DNAH14: variants seen among roughly 807,000 people sequenced by gnomAD.
DNAH14 encodes axonemal beta dynein heavy chain 14.
In DNAH14, 478 loss-of-function variants were observed where a neutral mutation model predicts 520.9. The ratio of observed to expected loss-of-function variants is 0.92; its 90% CI spans 0.85 to 0.99. The LOEUF (loss-of-function observed/expected upper bound fraction) is 0.99, where lower values mean the gene tolerates loss of function less well. Among genes scored for constraint, DNAH14 ranks in the 50% least tolerant of loss-of-function variants. The probability of loss-of-function intolerance (pLI) is 0.00; values close to 1 mark genes in which losing one functional copy is unlikely to be tolerated. For missense variants in DNAH14, 4,831 were observed against 5,234.5 expected (o/e 0.92, Z 2.38); for synonymous variants, 1,581 against 1,757.2 (o/e 0.90, Z 2.51).
intron 66 of DNAH14, 139 bp from the exon 67 acceptor site, chr1:225,337,127 T>G: frequency 2.6e-6 from 2 of 775,894 alleles, no homozygotes; most frequent in Non-Finnish European, 4.1e-6. Context: ...TGCTTTAAAC[T>G]GTTCATTTCC....
At chr1:224,931,731 T>C (rs1266739506) in intron 1 of DNAH14, among the ~76,000 whole-genome samples, 1 of 152,238 alleles carries the variant, frequency 6.6e-6, no homozygotes, top group Non-Finnish European at 1.5e-5. Context: ...CTGGCTTATT[T>C]CACTTAAGAT....
At position 225,353,799 on chromosome 1, in the gene DNAH14, C is replaced by A; in HGVS notation, c.11534-4C>A. 7.0e-7 allele frequency: 1 copy of A among 1,429,944 alleles called. No homozygotes were observed. The highest frequency in any genetic ancestry group is 9.5e-7 in the Non-Finnish European group (1 of 1,047,780). 88.6% of individuals were successfully genotyped at this position (1,429,944 alleles called of 1,614,324 possible). On this transcript the variant is annotated splice_polypyrimidine_tract_variant and splice_region_variant and intron_variant, in intron 72 of 85. Transcript: ENST00000682510. Reference sequence around the variant, plus strand: ...GCCAGTTTCTTTCTCTAAATTATATCTAGCTGAACTTTTGAATGAAAATAA... The same window carrying A: ...GCCAGTTTCTTTCTCTAAATTATATATAGCTGAACTTTTGAATGAAAATAA...
intron 38 of DNAH14, among the ~76,000 whole-genome samples, chr1:225,197,301 CT>C (rs1426295735): frequency 6.6e-6 from 1 of 152,038 alleles, no homozygotes; most frequent in Admixed American, 6.6e-5. Flanking sequence ...GTAGGGTGTC[CT>C]TTCCCCATTT....
At chr1:224,998,946 C>T (rs757318306) in intron 8 of DNAH14, among the ~76,000 whole-genome samples, 15 of 151,722 alleles carry the variant, frequency 9.9e-5, no homozygotes, top group Non-Finnish European at 1.8e-4. Flanking sequence ...TTGGTGCATA[C>T]CCTTTTAGAA....
intron 1 of DNAH14, among the ~76,000 whole-genome samples, chr1:224,932,860 T>C (rs1389359777): frequency 6.6e-6 from 1 of 151,950 alleles, no homozygotes; most frequent in Non-Finnish European, 1.5e-5. Flanking sequence ...AAGTCAGGTA[T>C]TGTGATGCCT....
At chr1:225,335,931 CTATATATACATATATG>C (rs372460278) in intron 66 of DNAH14, among the ~76,000 whole-genome samples, 9,668 of 124,224 alleles carry the variant, frequency 0.078, 576 homozygotes, top group Middle Eastern at 0.14. Context: ...GCACATATAC[CTATATATACATATATG>C]TATATATACA....
intron 15 of DNAH14, among the ~76,000 whole-genome samples, chr1:225,046,541 A>G (rs2067979732): frequency 6.6e-6 from 1 of 152,208 alleles, no homozygotes; most frequent in Non-Finnish European, 1.5e-5. Context: ...CTGTCCTAGC[A>G]TCATGAATTG....
chr1:225,099,656 C>G (rs2075283266), intron 22 of DNAH14, among the ~76,000 whole-genome samples: 1 of 152,112 alleles, frequency 6.6e-6, no homozygotes, highest in African/African-American at 2.4e-5. Context: ...CTTGAAAGAT[C>G]TCCACCCAAA....
At chr1:225,073,426 TC>T (rs1427149973) in intron 17 of DNAH14, among the ~76,000 whole-genome samples, 1 of 151,612 alleles carries the variant, frequency 6.6e-6, no homozygotes. Context: ...GTTGGGAGGT[TC>T]CATCCAACGA....
chr1:225,350,325 A>G (rs1295729450), intron 71 of DNAH14, among the ~76,000 whole-genome samples: 1 of 152,162 alleles, frequency 6.6e-6, no homozygotes, highest in Non-Finnish European at 1.5e-5. Context: ...ATTAAAAAAG[A>G]AGAAAGTGTA....
At chr1:225,057,669 C>A (rs947512583) in intron 17 of DNAH14, among the ~76,000 whole-genome samples, 7 of 152,122 alleles carry the variant, frequency 4.6e-5, no homozygotes, top group African/African-American at 1.7e-4. Flanking sequence ...GTGGGTTTGC[C>A]ATAGATAGCT....
intron 64 of DNAH14, among the ~76,000 whole-genome samples, chr1:225,328,082 A>G (rs1476081385): frequency 2.6e-5 from 4 of 152,206 alleles, no homozygotes; most frequent in African/African-American, 4.8e-5. Flanking sequence ...AGAGAGAGAT[A>G]GACATTCAGA....
At position 225,177,341 on chromosome 1, in the gene DNAH14, G is replaced by T. The variant is rs192198144; in HGVS notation, c.5536-7950G>T. On this transcript the variant is annotated intron_variant, in intron 36 of 85. Coordinates refer to ENST00000682510, the MANE Select transcript of DNAH14 (RefSeq NM_001367479.1). Reference sequence around the variant, plus strand: ...CATTCCATTTTATAAGGGAAGCAGAGCATAAAAGTTTGGAAAATTTGCAGC... The same window carrying T: ...CATTCCATTTTATAAGGGAAGCAGATCATAAAAGTTTGGAAAATTTGCAGC... Among the ~76,000 whole-genome samples the T allele has an allele frequency of 3.4e-3, 517 of 152,274 alleles. 2 individuals carry two copies. The highest frequency in any genetic ancestry group is 5.9e-3 in the Non-Finnish European group (403 of 68,020).
intron 1 of DNAH14, among the ~76,000 whole-genome samples, chr1:224,937,518 A>T (rs1270333932): frequency 6.6e-6 from 1 of 152,066 alleles, no homozygotes; most frequent in Non-Finnish European, 1.5e-5. Context: ...GTTCTATACA[A>T]GAAAACTATG....
chr1:225,058,481 G>C (rs2069491151), intron 17 of DNAH14, among the ~76,000 whole-genome samples: 1 of 152,096 alleles, frequency 6.6e-6, no homozygotes, highest in Non-Finnish European at 1.5e-5. Context: ...CAAAAAACCA[G>C]CTCCTGGATT....
intron 76 of DNAH14, 122 bp downstream of exon 76, chr1:225,365,016 A>G (rs2095535850): frequency 2.8e-6 from 2 of 713,122 alleles, no homozygotes; most frequent in African/African-American, 1.8e-5. Flanking sequence ...CTGAAATGCT[A>G]AATTTCTGCT....
chr1:225,364,230 T>C (rs892613687), intron 75 of DNAH14, among the ~76,000 whole-genome samples: 3 of 152,204 alleles, frequency 2.0e-5, no homozygotes, highest in Non-Finnish European at 4.4e-5. Flanking sequence ...TCAGACCATG[T>C]ACAGACATTA....
rs1257162746 is a variant in DNAH14 at position 225,335,338 on chromosome 1, CATGT to C, written c.10080+1833_10080+1836del. ...GTATATGCACATATACACGTGTGTA[CATGT>C]GTGTGTATATGCATATACACGTGTA... On this transcript the variant is annotated intron_variant, in intron 66 of 85. Transcript: ENST00000682510. 8.6e-5 allele frequency among the ~76,000 whole-genome samples: 8 copies of C among 93,104 alleles called. 2 individuals carry two copies. The highest frequency in any genetic ancestry group is 1.7e-4 in the Non-Finnish European group (8 of 47,216). 61.1% of individuals were successfully genotyped at this position (93,104 alleles called of 152,430 possible).
Position 225,258,778 on chromosome 1 carries a change from C to A in DNAH14, c.7025-343C>A, listed in dbSNP as rs972698200. Among the ~76,000 whole-genome samples the A allele has an allele frequency of 4.6e-5, 7 of 152,102 alleles. No individual in the cohort carries two copies. In the East Asian group the frequency reaches 1.3e-3, roughly 29 times the overall value. On this transcript the variant is annotated intron_variant, in intron 45 of 85. Transcript: ENST00000682510. ...TACTCTGATTGAACAAAAAGTTTAT[C>A]ATCAAATTTCTTCCTCAAATTGGGT...
Sources: allele counts gnomAD v4.1 joint callset (sites outside exome capture counted in the v4.1 genomes callset), GRCh38; gene constraint gnomAD v4.1.1; transcripts MANE v1.5; gene names NCBI Gene and HGNC (gene_info 2026-07-23, HGNC 2026-07-21).